Variants in PTPRK observed in about 807,000 individuals in gnomAD.
PTPRK encodes protein tyrosine phosphatase receptor type K.
A neutral mutation model predicts 178.0 loss-of-function variants in PTPRK; 75 were observed. The ratio of observed to expected loss-of-function variants is 0.42; its 90% CI spans 0.35 to 0.51. The LOEUF is 0.51. Ranked by LOEUF, PTPRK falls within the 20% of genes least tolerant of loss-of-function variation. PTPRK has a pLI of 0.02. For synonymous variants in PTPRK, 637 were observed against 620.6 expected, an observed-to-expected ratio of 1.03 and a Z score of -0.39; for missense variants, 1,441 against 1,797.8, an observed-to-expected ratio of 0.80 and a Z score of 3.59.
In PTPRK at chr6:128,177,954, T is replaced by C. The variant is rs112697523; in HGVS notation, c.1162+6478A>G. On this transcript the variant is annotated intron_variant, in intron 7 of 29. Coordinates refer to ENST00000368226, the MANE Select transcript of PTPRK (RefSeq NM_002844.4). ...ATATGAACTATATCTTTCATTTTAA[T>C]ACCTCCATCTGTCCATATAGATTTC... Among the ~76,000 whole-genome samples, 774 of 151,946 alleles carry C rather than the reference T, an allele frequency of 5.1e-3. 10 individuals are homozygous for C. Among genetic ancestry groups the C allele is most frequent in the African/African-American group, 0.018 (732 of 41,514 alleles).
At chr6:128,303,253 TC>T (rs917993689) in intron 3 of PTPRK, among the ~76,000 whole-genome samples, 2 of 152,168 alleles carry the variant, frequency 1.3e-5, no homozygotes, top group Admixed American at 1.3e-4. Context: ...GCCTATTGTC[TC>T]CCCATTCCTA....
At chr6:128,430,372 T>C (rs552911224) in intron 1 of PTPRK, among the ~76,000 whole-genome samples, 1 of 152,330 alleles carries the variant, frequency 6.6e-6, no homozygotes, top group East Asian at 1.9e-4. Context: ...CTAATGAAGA[T>C]ATTAACATAT....
chr6:128,478,416 A>G (rs1427168953), intron 1 of PTPRK, among the ~76,000 whole-genome samples: 2 of 152,062 alleles, frequency 1.3e-5, no homozygotes, highest in Non-Finnish European at 2.9e-5. Context: ...TAGTTCCGGA[A>G]CTGCTCTAAC....
At chr6:128,479,838 G>A (rs1478108172) in intron 1 of PTPRK, among the ~76,000 whole-genome samples, 2 of 152,014 alleles carry the variant, frequency 1.3e-5, no homozygotes. Flanking sequence ...GTTAAAATAA[G>A]CACTCTATTC....
intron 2 of PTPRK, among the ~76,000 whole-genome samples, chr6:128,343,298 G>A (rs551304719): frequency 1.3e-5 from 2 of 152,032 alleles, no homozygotes; most frequent in South Asian, 2.1e-4. Context: ...TCAGGAGTTC[G>A]AGACCAGCCT....
chr6:128,153,789 T>C (rs1797605267), intron 7 of PTPRK, among the ~76,000 whole-genome samples: 1 of 151,966 alleles, frequency 6.6e-6, no homozygotes, highest in Non-Finnish European at 1.5e-5. Context: ...TGTTAATCAT[T>C]TCATTTTATG....
At chr6:128,392,211 A>T (rs1400999003) in intron 2 of PTPRK, among the ~76,000 whole-genome samples, 1 of 152,110 alleles carries the variant, frequency 6.6e-6, no homozygotes, top group African/African-American at 2.4e-5. Flanking sequence ...TTTATAAGGG[A>T]GGAGGAGTGG....
At chr6:128,046,210 G>C (rs1232845772) in intron 13 of PTPRK, among the ~76,000 whole-genome samples, 1 of 152,030 alleles carries the variant, frequency 6.6e-6, no homozygotes, top group Non-Finnish European at 1.5e-5. Context: ...ATACTTTTCT[G>C]TAATTTCCTC....
At chr6:128,171,605 T>C (rs151210469) in intron 7 of PTPRK, among the ~76,000 whole-genome samples, 2 of 152,144 alleles carry the variant, frequency 1.3e-5, no homozygotes, top group African/African-American at 4.8e-5. Flanking sequence ...CCATGAAAAT[T>C]AAACTATTAT....
chr6:127,970,261 T>G lies in PTPRK; in HGVS notation c.4289A>C (p.Tyr1430Ser). 6.2e-7 allele frequency: 1 copy of G among 1,611,138 alleles called. No individual in the cohort carries two copies. The highest frequency in any genetic ancestry group is 8.5e-7 in the Non-Finnish European group (1 of 1,178,362). ...VEAPEQYRFC[Y>S]DVALEYLESS ...TTCCAGGTACTCCAAAGCTACATCA[T>G]AGCAGAAACGGTATTGCTCCTGAAA... Residue 1430 changes from tyrosine to serine, a missense_variant, in exon 30 of 30, where the codon TAT becomes TCT. Transcript: ENST00000368226.
At chr6:128,366,487 C>T (rs554621972) in intron 2 of PTPRK, among the ~76,000 whole-genome samples, 3 of 152,084 alleles carry the variant, frequency 2.0e-5, no homozygotes, top group South Asian at 2.1e-4. Context: ...ATTTACTAAG[C>T]ATCTATTTGT....
intron 18 of PTPRK, among the ~76,000 whole-genome samples, 176 bp from the exon 19 acceptor site, chr6:127,992,885 T>C (rs559379322): frequency 3.3e-5 from 5 of 151,788 alleles, no homozygotes; most frequent in Non-Finnish European, 5.9e-5. Flanking sequence ...AAGGTAAACA[T>C]AAAACAAAAA....
chr6:128,152,917 A>T (rs1366396528), intron 7 of PTPRK, among the ~76,000 whole-genome samples: 1 of 151,982 alleles, frequency 6.6e-6, no homozygotes, highest in Non-Finnish European at 1.5e-5. Context: ...TAGAGGCAGT[A>T]CCTGGTGACC....
chr6:128,325,715 T>C (rs1829461604), intron 2 of PTPRK, among the ~76,000 whole-genome samples: 1 of 152,126 alleles, frequency 6.6e-6, no homozygotes, highest in Non-Finnish European at 1.5e-5. Flanking sequence ...TTTTACACTG[T>C]TGGTGGGAGT....
intron 1 of PTPRK, among the ~76,000 whole-genome samples, chr6:128,470,826 C>T (rs1584873558): frequency 7.5e-6 from 1 of 133,086 alleles, no homozygotes. Context: ...TACAGCTTAA[C>T]ATCCACAGTT....
chr6:128,346,556 T>C lies in PTPRK; in HGVS notation c.224-24246A>G, dbSNP rs148499838. ...CTTTATTTTTTAGTTGCCTAACAAA[T>C]TAATCCAGTGAAAATTCTATTTCTC... On this transcript the variant is annotated intron_variant, in intron 2 of 29. Coordinates refer to ENST00000368226, the MANE Select transcript of PTPRK (RefSeq NM_002844.4). Among the ~76,000 whole-genome samples, 194 of 152,272 alleles carry C rather than the reference T, an allele frequency of 1.3e-3. 1 individual carries two copies. Among genetic ancestry groups the C allele is most frequent in the Middle Eastern group, 3.4e-3 (1 of 292 alleles).
chr6:128,376,529 T>C (rs886105502), intron 2 of PTPRK, among the ~76,000 whole-genome samples: 3 of 152,174 alleles, frequency 2.0e-5, no homozygotes, highest in Non-Finnish European at 4.4e-5. Flanking sequence ...GGAGGGGCTG[T>C]TGTGAAGACA....
At chr6:128,202,433 C>CACAG (rs1806133604) in intron 6 of PTPRK, among the ~76,000 whole-genome samples, 3 of 152,210 alleles carry the variant, frequency 2.0e-5, no homozygotes, top group Admixed American at 2.0e-4. Flanking sequence ...CTTAAGTACA[C>CACAG]ACAGACACTC....
At position 127,998,904 on chromosome 6, in the gene PTPRK, T is replaced by C. The variant is rs1199256365; in HGVS notation, c.2495A>G (p.Tyr832Cys). 5 of 1,513,122 alleles carry C rather than the reference T, an allele frequency of 3.3e-6. No individual in the cohort carries two copies. The highest frequency in any genetic ancestry group is 2.5e-5 in the South Asian group (2 of 78,470). The allele number at this position is 1,513,122 out of a possible 1,614,324, so 93.7% of individuals were successfully genotyped here. ...CTCTGCTGTAGCACTGTGGTTCTCATCTGGCATTTTTCAGATTTCAGAAGA... is the reference window on the plus strand; with the variant it reads ...CTCTGCTGTAGCACTGTGGTTCTCACCTGGCATTTTTCAGATTTCAGAAGA... ...FMDQHNFSPR[Y>C]ENHSATAESS... Residue 832 changes from tyrosine to cysteine, a missense_variant and splice_region_variant, in exon 16 of 30, where the codon TAT (tyrosine) becomes TGT (cysteine). Physicochemically the swap from Tyr to Cys is radical, Grantham distance 194. Around this residue, in one of 4 missense-constraint regions of PTPRK, gnomAD observed 945 missense variants for 1,080.6 expected, o/e 0.87. Transcript: ENST00000368226.
Sources: gnomAD v4.1 joint callset for allele counts (sites outside exome capture counted in the v4.1 genomes callset) on GRCh38, gnomAD v4.1.1 for gene constraint, gnomAD v4.1.1 regional missense constraint, MANE v1.5 for transcripts, NCBI Gene and HGNC (gene_info 2026-07-23, HGNC 2026-07-21) for gene names.